Variants in PRKACB observed in about 807,000 individuals in gnomAD.
PRKACB encodes protein kinase cAMP-activated catalytic subunit beta, also known as cAMP-dependent protein kinase catalytic subunit beta.
PRKACB carries 16 observed loss-of-function variants against 51.4 expected under a neutral mutation model. That is an observed-to-expected ratio of 0.31 (90% CI 0.21 to 0.47). The LOEUF (loss-of-function observed/expected upper bound fraction) is 0.47. PRKACB is among the 20% of genes least tolerant of loss of function. PRKACB has a pLI of 1.00. For synonymous variants in PRKACB, 147 were observed against 154.4 expected (o/e 0.95, Z 0.35); for missense variants, 309 against 464.5 (o/e 0.67, Z 3.08).
chr1:84,210,403 TTC>T (rs149757920), intron 8 of PRKACB, among the ~76,000 whole-genome samples: 2,232 of 152,286 alleles, frequency 0.015, 60 homozygotes, highest in African/African-American at 0.05. Flanking sequence ...ATTTTAGACT[TTC>T]TCTTTTCAAT....
At chr1:84,190,519 CT>C (rs1478988477) in intron 5 of PRKACB, among the ~76,000 whole-genome samples, 6 of 150,232 alleles carry the variant, frequency 4.0e-5, no homozygotes, top group African/African-American at 1.5e-4. Context: ...CATGAATATT[CT>C]TTCAATAACT....
chr1:84,089,321 C>T (rs971113892), intron 1 of PRKACB, among the ~76,000 whole-genome samples: 9 of 152,044 alleles, frequency 5.9e-5, no homozygotes, highest in African/African-American at 1.9e-4. Context: ...GTACCTCTTT[C>T]CCCCCTTTTT....
At chr1:84,139,070 G>A (rs1378923404) in intron 1 of PRKACB, among the ~76,000 whole-genome samples, 1 of 152,150 alleles carries the variant, frequency 6.6e-6, no homozygotes, top group Non-Finnish European at 1.5e-5. Context: ...AGTGTCTACA[G>A]CTAACATTTT....
At chr1:84,102,990 C>G (rs1484146107) in intron 1 of PRKACB, among the ~76,000 whole-genome samples, 1 of 152,168 alleles carries the variant, frequency 6.6e-6, no homozygotes, top group African/African-American at 2.4e-5. Context: ...CTTTAGTTCA[C>G]AAGTCTTTAG....
intron 1 of PRKACB, among the ~76,000 whole-genome samples, chr1:84,090,094 A>G (rs549363345): frequency 6.6e-6 from 1 of 152,270 alleles, no homozygotes; most frequent in Admixed American, 6.5e-5. Context: ...TCAACCTCAA[A>G]TGAGCTGTCA....
At chr1:84,197,668 C>T (rs1267958325) in intron 6 of PRKACB, 61 bp from the exon 7 acceptor site, 12 of 1,097,196 alleles carry the variant, frequency 1.1e-5, no homozygotes, top group Non-Finnish European at 1.6e-5. Flanking sequence ...AACGTAGGTG[C>T]AATAAATACA....
intron 1 of PRKACB, chr1:84,175,919 T>C: frequency 1.2e-6 from 1 of 835,064 alleles, no homozygotes; most frequent in South Asian, 2.8e-5. Flanking sequence ...TTTTTGTGTG[T>C]CCTCTTTTTT....
chr1:84,172,639 T>C (rs1659909258), intron 1 of PRKACB, among the ~76,000 whole-genome samples: 1 of 151,736 alleles, frequency 6.6e-6, no homozygotes, highest in South Asian at 2.1e-4. Context: ...ATTATTTAAA[T>C]ATATGTCTCA....
intron 9 of PRKACB, among the ~76,000 whole-genome samples, chr1:84,227,172 A>G (rs1285831771): frequency 6.6e-6 from 1 of 152,046 alleles, no homozygotes; most frequent in Non-Finnish European, 1.5e-5. Context: ...GAGTTTAGAA[A>G]GTTTCCAGGC....
rs747763956 is a variant in PRKACB at position 84,144,456 on chromosome 1, G to A, written c.95G>A (p.Arg32Lys). 6.2e-7 allele frequency: 1 copy of A among 1,613,140 alleles called. No individual in the cohort carries two copies. The highest frequency in any genetic ancestry group is 8.5e-7 in the Non-Finnish European group (1 of 1,179,632). Residue 32 changes from arginine to lysine, a missense_variant, in exon 1 of 10, where the codon AGA becomes AAA. By Grantham distance (26) the Arg-to-Lys change is conservative. Around this residue, in one of 3 missense-constraint regions of PRKACB, gnomAD observed 153 missense variants for 190.2 expected, o/e 0.80. Coordinates refer to ENST00000370685, the MANE Select transcript of PRKACB (RefSeq NM_182948.4). ...LEGFASRLFH[R>K]HSKGTAHDQK... ...GGTTTTGCTAGCCGGTTATTTCATA[G>A]ACACTCTAAAGGTACTGCACATGAT... is the stretch of plus-strand genomic sequence containing the variant.
chr1:84,199,077 G>GTA (rs1390213315), intron 7 of PRKACB, among the ~76,000 whole-genome samples: 6 of 48,884 alleles, frequency 1.2e-4, no homozygotes, highest in Admixed American at 3.9e-4. Flanking sequence ...ATGCATATAT[G>GTA]TATATATATG....
At chr1:84,110,221 T>A (rs1225591273) in intron 1 of PRKACB, among the ~76,000 whole-genome samples, 2 of 151,770 alleles carry the variant, frequency 1.3e-5, no homozygotes, top group African/African-American at 4.8e-5. Context: ...TACAACAATA[T>A]GAAATAATAC....
chr1:84,128,544 A>T (rs952021901), intron 1 of PRKACB, among the ~76,000 whole-genome samples: 3 of 152,204 alleles, frequency 2.0e-5, no homozygotes, highest in Non-Finnish European at 4.4e-5. Flanking sequence ...ATTTGAAAAA[A>T]TATGATATTG....
chr1:84,129,239 TTACTA>T (rs1229846424), intron 1 of PRKACB, among the ~76,000 whole-genome samples: 4 of 152,270 alleles, frequency 2.6e-5, no homozygotes, highest in South Asian at 2.1e-4. Flanking sequence ...CTTTTTTAGT[TTACTA>T]TACTTTGAGA....
intron 1 of PRKACB, among the ~76,000 whole-genome samples, chr1:84,094,042 T>C (rs1648732291): frequency 6.6e-6 from 1 of 152,030 alleles, no homozygotes; most frequent in African/African-American, 2.4e-5. Context: ...ACTTTTTTGC[T>C]TAATTTTGAC....
At chr1:84,161,214 A>G (rs1219673079) in intron 1 of PRKACB, among the ~76,000 whole-genome samples, 1 of 151,756 alleles carries the variant, frequency 6.6e-6, no homozygotes, top group Non-Finnish European at 1.5e-5. Flanking sequence ...ATAATTATGA[A>G]TGTCCCTTTT....
intron 9 of PRKACB, among the ~76,000 whole-genome samples, chr1:84,234,660 G>A (rs1232950025): frequency 6.6e-6 from 1 of 152,184 alleles, no homozygotes; most frequent in Non-Finnish European, 1.5e-5. Context: ...GTATTCGGGT[G>A]GGAGTGACCT....
intron 1 of PRKACB, among the ~76,000 whole-genome samples, chr1:84,094,104 CTG>C (rs1167028913): frequency 6.6e-6 from 1 of 151,822 alleles, no homozygotes; most frequent in Non-Finnish European, 1.5e-5. Flanking sequence ...CCTTATTGCA[CTG>C]ATTAGGACTT....
At chr1:84,195,516 A>C (rs1667965610) in intron 5 of PRKACB, among the ~76,000 whole-genome samples, 1 of 152,230 alleles carries the variant, frequency 6.6e-6, no homozygotes, top group Non-Finnish European at 1.5e-5. Flanking sequence ...GAATTCAAGT[A>C]ATACATTAGA....
Sources: allele counts gnomAD v4.1 joint callset (sites outside exome capture counted in the v4.1 genomes callset), GRCh38; gene constraint gnomAD v4.1.1; regional missense constraint gnomAD v4.1.1; transcripts MANE v1.5; gene names NCBI Gene and HGNC (gene_info 2026-07-23, HGNC 2026-07-21).